The following SLC25A13 variants were observed in gnomAD, a reference collection of about 807,000 sequenced individuals.
SLC25A13 encodes solute carrier family 25 member 13.
Under a neutral mutation model 85.5 loss-of-function variants are expected in SLC25A13, and 70 were observed. The observed-to-expected ratio is 0.82, with a 90% confidence interval of 0.68 to 1.00. The LOEUF (loss-of-function observed/expected upper bound fraction) is 1.00. SLC25A13 is among the 50% of genes least tolerant of loss of function. The pLI is 0.00. For missense variants in SLC25A13, 765 were observed against 819.8 expected (o/e 0.93, Z 0.82); for synonymous variants, 259 against 288.7 (o/e 0.90, Z 1.04).
At chr7:96,310,410 A>C (rs1799907312) in intron 1 of SLC25A13, among the ~76,000 whole-genome samples, 1 of 152,184 alleles carries the variant, frequency 6.6e-6, no homozygotes, top group Admixed American at 6.5e-5. Flanking sequence ...TTTTGGCAAG[A>C]ACATTTTTAG....
intron 3 of SLC25A13, among the ~76,000 whole-genome samples, chr7:96,245,409 G>C (rs1797151258): frequency 1.3e-5 from 2 of 152,074 alleles, no homozygotes; most frequent in African/African-American, 2.4e-5. Flanking sequence ...CTACAAAGAT[G>C]ATTCTACATC....
chr7:96,209,353 TACACACACAC>T (rs59571646), intron 4 of SLC25A13, among the ~76,000 whole-genome samples: 1 of 145,540 alleles, frequency 6.9e-6, no homozygotes, highest in African/African-American at 2.6e-5. Context: ...GGAAAACACA[TACACACACAC>T]ACACACACAC....
chr7:96,250,986 C>G (rs951482914), intron 3 of SLC25A13, among the ~76,000 whole-genome samples: 3 of 151,874 alleles, frequency 2.0e-5, no homozygotes, highest in African/African-American at 7.3e-5. Flanking sequence ...CAGCAGTGAA[C>G]TAAACAGACA....
chr7:96,211,238 G>C (rs1005091570), intron 4 of SLC25A13, among the ~76,000 whole-genome samples: 3 of 151,910 alleles, frequency 2.0e-5, no homozygotes, highest in Non-Finnish European at 4.4e-5. Context: ...AACTCTAAAC[G>C]CTATAGTTTT....
At chr7:96,134,740 T>C (rs570019750) in intron 14 of SLC25A13, among the ~76,000 whole-genome samples, 58 of 145,624 alleles carry the variant, frequency 4.0e-4, no homozygotes, top group African/African-American at 1.5e-3. Flanking sequence ...AAAACAACTC[T>C]ACATGGCTGA....
At chr7:96,234,400 C>T (rs1381334296) in intron 4 of SLC25A13, among the ~76,000 whole-genome samples, 2 of 152,124 alleles carry the variant, frequency 1.3e-5, no homozygotes, top group African/African-American at 2.4e-5. Flanking sequence ...ATGGGAACAA[C>T]GTGAAGACAA....
chr7:96,162,539 CCAAT>C (rs1793552048), intron 13 of SLC25A13, among the ~76,000 whole-genome samples: 1 of 151,910 alleles, frequency 6.6e-6, no homozygotes. Context: ...ATGAGGTTTG[CCAAT>C]CAGATTTCCT....
rs1308298392 is a variant in SLC25A13, at chr7:96,290,232, T to A, written c.69+6666A>T. ...TTACAGACAAGCAAATGCTGAGAGA[T>A]TTTGTCAACACCAGGCCTGCCCTAA... On this transcript the variant is annotated intron_variant, in intron 2 of 17. Coordinates refer to ENST00000265631, the MANE Select transcript of SLC25A13 (RefSeq NM_014251.3). 2.6e-5 allele frequency among the ~76,000 whole-genome samples: 4 copies of A among 152,196 alleles called. No individual in the cohort carries two copies. In the East Asian group the frequency reaches 7.7e-4, roughly 29 times the overall value.
At chr7:96,185,057 G>C (rs778838192) in intron 9 of SLC25A13, 46 bp from the exon 10 acceptor site, 4 of 1,515,122 alleles carry the variant, frequency 2.6e-6, no homozygotes, top group Middle Eastern at 1.7e-4. Flanking sequence ...ACAGGTGACA[G>C]AAAAGAAGAT....
At chr7:96,210,234 A>G (rs1350891786) in intron 4 of SLC25A13, among the ~76,000 whole-genome samples, 1 of 152,230 alleles carries the variant, frequency 6.6e-6, no homozygotes, top group Non-Finnish European at 1.5e-5. Flanking sequence ...TTTATAAAAC[A>G]TGGCAGAAAT....
chr7:96,255,387 T>C (rs958468970), intron 3 of SLC25A13, among the ~76,000 whole-genome samples: 2 of 152,216 alleles, frequency 1.3e-5, no homozygotes, highest in African/African-American at 4.8e-5. Context: ...TTTTCTCTAA[T>C]GAATTGAAAA....
At chr7:96,201,569 T>C (rs1228277451) in intron 5 of SLC25A13, among the ~76,000 whole-genome samples, 1 of 150,940 alleles carries the variant, frequency 6.6e-6, no homozygotes, top group Non-Finnish European at 1.5e-5. Context: ...ACAAGACAAG[T>C]TGGGGGACAA....
intron 2 of SLC25A13, chr7:96,283,441 A>AT (rs1292889372): frequency 1.9e-5 from 8 of 431,196 alleles, no homozygotes; most frequent in African/African-American, 1.6e-4. Flanking sequence ...TCCTTTGGCC[A>AT]CATATATGCA....
At chr7:96,286,779 A>T (rs1798907045) in intron 2 of SLC25A13, among the ~76,000 whole-genome samples, 2 of 152,128 alleles carry the variant, frequency 1.3e-5, no homozygotes, top group Non-Finnish European at 2.9e-5. Context: ...TAAATTCTCA[A>T]ACAAATGAAA....
At chr7:96,257,593 A>C (rs2116884415) in intron 3 of SLC25A13, among the ~76,000 whole-genome samples, 1 of 152,360 alleles carries the variant, frequency 6.6e-6, no homozygotes, top group East Asian at 1.9e-4. Flanking sequence ...AACCAAAAAA[A>C]GTCCAGGACC....
chr7:96,170,030 T>C lies in SLC25A13; in HGVS notation c.1311+15A>G. On this transcript the variant is annotated intron_variant, in intron 13 of 17. Coordinates refer to ENST00000265631, the MANE Select transcript of SLC25A13 (RefSeq NM_014251.3). The stretch of plus-strand genomic sequence containing the variant: ...ACAAGTCTTTTCAATGAAGAGAGCT[T>C]CAAAAGGTACTTACGCAGCCTCCAG... 1 of 1,613,286 alleles carries C rather than the reference T, an allele frequency of 6.2e-7. No homozygotes were observed.
intron 15 of SLC25A13, among the ~76,000 whole-genome samples, chr7:96,128,875 C>A (rs143842631): frequency 6.6e-6 from 1 of 150,556 alleles, no homozygotes; most frequent in Admixed American, 6.6e-5. Context: ...GTGACATTCA[C>A]GCCTCTGCTT....
intron 5 of SLC25A13, among the ~76,000 whole-genome samples, chr7:96,196,326 C>A (rs1430224645): frequency 6.6e-6 from 1 of 152,188 alleles, no homozygotes; most frequent in Non-Finnish European, 1.5e-5. Context: ...GTATGTTCAG[C>A]GATTTACCAT....
chr7:96,288,342 G>A (rs1005102106), intron 2 of SLC25A13, among the ~76,000 whole-genome samples: 1 of 152,212 alleles, frequency 6.6e-6, no homozygotes, highest in African/African-American at 2.4e-5. Context: ...CCCAGCGTGA[G>A]CGATGCAGAA....
Sources: allele counts gnomAD v4.1 joint callset (sites outside exome capture counted in the v4.1 genomes callset), GRCh38; gene constraint gnomAD v4.1.1; transcripts MANE v1.5; gene names NCBI Gene and HGNC (gene_info 2026-07-23, HGNC 2026-07-21).